AUTS2: variants seen among roughly 807,000 people sequenced by gnomAD.
AUTS2 encodes activator of transcription and developmental regulator AUTS2.
A neutral mutation model predicts 112.4 loss-of-function variants in AUTS2; 17 were observed. That is an observed-to-expected ratio of 0.15 (90% confidence interval 0.10 to 0.23). The LOEUF is 0.23. Among genes scored for constraint, AUTS2 ranks in the 10% least tolerant of loss-of-function variants. AUTS2 has a pLI of 1.00. For synonymous variants in AUTS2, 751 were observed against 702.7 expected, an observed-to-expected ratio of 1.07 and a Z score of -1.09; for missense variants, 1,510 against 1,701.6, an observed-to-expected ratio of 0.89 and a Z score of 1.98.
chr7:70,328,902 C>A (rs1790616893), intron 4 of AUTS2, among the ~76,000 whole-genome samples: 1 of 152,186 alleles, frequency 6.6e-6, no homozygotes, highest in Non-Finnish European at 1.5e-5. Flanking sequence ...ATTTTCATCA[C>A]TCCAGAGTAA....
chr7:70,033,789 T>A (rs1253690042), intron 2 of AUTS2, among the ~76,000 whole-genome samples: 1 of 151,900 alleles, frequency 6.6e-6, no homozygotes, highest in Non-Finnish European at 1.5e-5. Flanking sequence ...AGAATATAAC[T>A]GTGGTTATTC....
chr7:69,669,635 T>C (rs1796222881), intron 1 of AUTS2, among the ~76,000 whole-genome samples: 1 of 152,190 alleles, frequency 6.6e-6, no homozygotes, highest in African/African-American at 2.4e-5. Context: ...TGTAGATATT[T>C]CATAAAAGGT....
At chr7:70,438,629 T>G (rs1420059716) in intron 5 of AUTS2, among the ~76,000 whole-genome samples, 1 of 152,168 alleles carries the variant, frequency 6.6e-6, no homozygotes, top group African/African-American at 2.4e-5. Context: ...TTGTCTGGTG[T>G]TTATCGCCAA....
chr7:69,745,899 A>C (rs915033374), intron 1 of AUTS2, among the ~76,000 whole-genome samples: 1 of 152,156 alleles, frequency 6.6e-6, no homozygotes, highest in Non-Finnish European at 1.5e-5. Flanking sequence ...TAGGAGACAA[A>C]GTCTCACTCT....
chr7:70,772,561 A>G (rs1184314267), intron 11 of AUTS2, among the ~76,000 whole-genome samples: 1 of 152,170 alleles, frequency 6.6e-6, no homozygotes, highest in African/African-American at 2.4e-5. Context: ...GGCTAAGGTA[A>G]AACACAGTTT....
In AUTS2 at chr7:70,009,797, A is replaced by G. The variant is rs547173651; in HGVS notation, c.523-108335A>G. ...TGCTAAAATACTTGCCCAAGGTCAT[A>G]TGACTTGAAATGGTGGGACTAGCCT... On this transcript the variant is annotated intron_variant, in intron 2 of 18. Transcript: ENST00000342771. 2.6e-5 allele frequency among the ~76,000 whole-genome samples: 4 copies of G among 152,352 alleles called. No homozygotes were observed. In the East Asian group the frequency reaches 5.8e-4, roughly 22 times the overall value.
intron 2 of AUTS2, among the ~76,000 whole-genome samples, chr7:70,098,542 G>A (rs1270050240): frequency 2.0e-5 from 3 of 152,074 alleles, no homozygotes; most frequent in Admixed American, 6.5e-5. Context: ...GTGGGGTACC[G>A]GTGGTTGACA....
chr7:69,868,759 A>G (rs967234270), intron 1 of AUTS2, among the ~76,000 whole-genome samples: 1 of 152,202 alleles, frequency 6.6e-6, no homozygotes. Flanking sequence ...GGCTTGCTTA[A>G]GATCAAGCAA....
At chr7:70,070,821 G>A (rs1239764414) in intron 2 of AUTS2, among the ~76,000 whole-genome samples, 2 of 150,830 alleles carry the variant, frequency 1.3e-5, no homozygotes, top group Non-Finnish European at 2.9e-5. Context: ...GCGGTGAGCC[G>A]CGATCAAGAT....
rs1675207823 is a variant in AUTS2, at chr7:70,444,138, A to G, written c.690+8357A>G. On this transcript the variant is annotated intron_variant, in intron 5 of 18. Transcript: ENST00000342771. ...GGCTATCAGCCCCATGAAATTGACC[A>G]TGAGCCCTGAGCCACCTGAATACCA... Among the ~76,000 whole-genome samples, 4 of 152,162 alleles carry G rather than the reference A, an allele frequency of 2.6e-5. No individual in the cohort carries two copies. The South Asian group carries it at 8.3e-4, about 32-fold the overall frequency.
chr7:70,147,278 A>G (rs1211272981), intron 4 of AUTS2, among the ~76,000 whole-genome samples: 1 of 152,158 alleles, frequency 6.6e-6, no homozygotes, highest in African/African-American at 2.4e-5. Context: ...ACATGTTTAA[A>G]CATTTTATTT....
intron 6 of AUTS2, among the ~76,000 whole-genome samples, chr7:70,742,639 G>T (rs938044232): frequency 6.6e-6 from 1 of 152,140 alleles, no homozygotes; most frequent in Non-Finnish European, 1.5e-5. Flanking sequence ...GCGCGTGCCT[G>T]TAATCCCAGC....
intron 4 of AUTS2, among the ~76,000 whole-genome samples, chr7:70,228,298 T>A (rs1012650546): frequency 6.6e-6 from 1 of 152,132 alleles, no homozygotes; most frequent in Non-Finnish European, 1.5e-5. Flanking sequence ...CAATCTTTTT[T>A]AAACTTATTT....
At chr7:70,540,998 C>A (rs777159601) in intron 5 of AUTS2, among the ~76,000 whole-genome samples, 5 of 152,164 alleles carry the variant, frequency 3.3e-5, no homozygotes, top group African/African-American at 9.7e-5. Flanking sequence ...AAAGTCCCCC[C>A]CTATGAAGTG....
At chr7:70,290,644 C>G in intron 4 of AUTS2, 1 of 1,382,482 alleles carries the variant, frequency 7.2e-7, no homozygotes. Context: ...TTTAGTTTAA[C>G]CTTCATTTGT....
intron 5 of AUTS2, among the ~76,000 whole-genome samples, chr7:70,650,803 G>A (rs1420918249): frequency 1.3e-5 from 2 of 152,160 alleles, no homozygotes; most frequent in Non-Finnish European, 2.9e-5. Flanking sequence ...CTACACCCTT[G>A]TCTCAAGAAG....
chr7:70,681,523 ATATT>A (rs760475086), intron 5 of AUTS2, among the ~76,000 whole-genome samples: 19 of 128,008 alleles, frequency 1.5e-4, no homozygotes, highest in African/African-American at 5.4e-4. Context: ...ATATATATAT[ATATT>A]TTTTTTTTCT....
At chr7:70,758,483 A>G (rs908842886) in intron 6 of AUTS2, among the ~76,000 whole-genome samples, 1 of 152,226 alleles carries the variant, frequency 6.6e-6, no homozygotes, top group African/African-American at 2.4e-5. Flanking sequence ...CTAATCTCTT[A>G]AAGTTTGTTT....
At chr7:70,639,288 G>A (rs1010951937) in intron 5 of AUTS2, among the ~76,000 whole-genome samples, 5 of 151,946 alleles carry the variant, frequency 3.3e-5, no homozygotes, top group African/African-American at 1.2e-4. Flanking sequence ...CATCACTAAG[G>A]GACTAGGTAA....
Sources: gnomAD v4.1 joint callset for allele counts (sites outside exome capture counted in the v4.1 genomes callset) on GRCh38, gnomAD v4.1.1 for gene constraint, MANE v1.5 for transcripts, NCBI Gene and HGNC (gene_info 2026-07-23, HGNC 2026-07-21) for gene names.